SMYD2: variants seen among roughly 807,000 people sequenced by gnomAD.
SMYD2 encodes SET and MYND domain containing 2, also known as N-lysine methyltransferase SMYD2.
SMYD2 carries 53 observed loss-of-function variants against 59.1 expected under a neutral mutation model. The ratio of observed to expected loss-of-function variants is 0.90; its 90% CI spans 0.72 to 1.13. The LOEUF is 1.13. Ranked by LOEUF, SMYD2 falls within the 50% of genes most tolerant of loss-of-function variation. SMYD2 has a pLI of 0.00. For synonymous variants in SMYD2, 208 were observed against 198.8 expected, an observed-to-expected ratio of 1.05 and a Z score of -0.39; for missense variants, 494 against 544.7, an observed-to-expected ratio of 0.91 and a Z score of 0.93.
At chr1:214,322,521 T>A (rs975715611) in intron 5 of SMYD2, among the ~76,000 whole-genome samples, 6 of 152,214 alleles carry the variant, frequency 3.9e-5, no homozygotes, top group African/African-American at 1.4e-4. Context: ...CTGCTTTTTG[T>A]GTTGAATTGT....
rs775036371 is a variant in SMYD2 at position 214,330,236 on chromosome 1, T to A, written c.774T>A (p.Tyr258Ter). The change falls in exon 8 of 12, where the codon TAT (tyrosine) becomes TAA (stop). Residue 258 changes from tyrosine (Y) to a stop codon, truncating the protein, a stop_gained. Coordinates refer to ENST00000366957, the MANE Select transcript of SMYD2 (RefSeq NM_020197.3). LOFTEE classifies it high-confidence loss of function. ...EDRNDRLRDS[Y>*]FFTCECQECT... ...GAAATGACCGGTTAAGAGATTCTTA[T>A]TTCTTTACCTGTGAGTGCCAGGAGT... 1 of 1,613,588 alleles carries A rather than the reference T, an allele frequency of 6.2e-7. No individual in the cohort carries two copies. The highest frequency in any genetic ancestry group is 2.2e-5 in the East Asian group (1 of 44,870).
chr1:214,322,919 G>T (rs1287285619), intron 5 of SMYD2, among the ~76,000 whole-genome samples: 2 of 152,310 alleles, frequency 1.3e-5, no homozygotes, highest in Non-Finnish European at 2.9e-5. Flanking sequence ...CTCAGAGGAT[G>T]CTAGTTTTAC....
intron 6 of SMYD2, among the ~76,000 whole-genome samples, chr1:214,325,297 G>A (rs1657243027): frequency 6.6e-6 from 1 of 152,234 alleles, no homozygotes; most frequent in African/African-American, 2.4e-5. Context: ...TTATAGATCT[G>A]ACTTTAATGG....
intron 10 of SMYD2, chr1:214,333,769 G>A (rs1571936551): frequency 6.2e-6 from 1 of 162,418 alleles, no homozygotes; most frequent in Non-Finnish European, 1.4e-5. Flanking sequence ...ACACATTGGG[G>A]TGGGTGGGGG....
At chr1:214,334,408 G>A (rs1368791423) in intron 11 of SMYD2, 100 bp downstream of exon 11, 4 of 1,117,090 alleles carry the variant, frequency 3.6e-6, no homozygotes, top group African/African-American at 3.1e-5. Flanking sequence ...AGCAGTGGAG[G>A]GTGAGCAGCT....
intron 5 of SMYD2, among the ~76,000 whole-genome samples, chr1:214,319,999 G>C (rs73092321): frequency 2.6e-4 from 40 of 152,074 alleles, no homozygotes; most frequent in Non-Finnish European, 5.4e-4. Flanking sequence ...AGAGATTTAC[G>C]TACAAATTGT....
intron 7 of SMYD2, 22 bp from the exon 8 acceptor site, chr1:214,330,146 T>A (rs2291830): frequency 3.9e-6 from 6 of 1,519,316 alleles, no homozygotes; most frequent in Admixed American, 1.7e-5. Context: ...AGACTGAAGC[T>A]TTATCTTTTT....
intron 1 of SMYD2, among the ~76,000 whole-genome samples, chr1:214,304,581 A>AAAC (rs1656886803): frequency 6.6e-6 from 1 of 151,396 alleles, no homozygotes; most frequent in African/African-American, 2.4e-5. Context: ...AAAAAAAAAA[A>AAAC]AGCATCTATC....
intron 1 of SMYD2, among the ~76,000 whole-genome samples, chr1:214,286,555 G>A (rs958848388): frequency 7.2e-5 from 11 of 152,104 alleles, no homozygotes; most frequent in Middle Eastern, 6.8e-3. Flanking sequence ...TGGATCACTC[G>A]AGGTCAGGAG....
chr1:214,288,031 G>A (rs958441555), intron 1 of SMYD2, among the ~76,000 whole-genome samples: 2 of 152,178 alleles, frequency 1.3e-5, no homozygotes, highest in East Asian at 1.9e-4. Flanking sequence ...CAAGCTGCAC[G>A]TTTGGAACCG....
At chr1:214,310,101 C>A (rs1315030526) in intron 2 of SMYD2, among the ~76,000 whole-genome samples, 1 of 152,186 alleles carries the variant, frequency 6.6e-6, no homozygotes, top group African/African-American at 2.4e-5. Context: ...AATCCAGTCT[C>A]CTTATCGAGG....
intron 1 of SMYD2, among the ~76,000 whole-genome samples, chr1:214,284,107 G>T (rs1353376975): frequency 6.6e-6 from 1 of 152,032 alleles, no homozygotes; most frequent in Non-Finnish European, 1.5e-5. Flanking sequence ...TGCCTGAACT[G>T]CTAGAAGGCA....
intron 7 of SMYD2, 25 bp downstream of exon 7, chr1:214,327,749 G>C: frequency 6.3e-7 from 1 of 1,589,746 alleles, no homozygotes; most frequent in Non-Finnish European, 8.6e-7. Context: ...ATGGGTGGCT[G>C]CAGCAGGGGG....
At chr1:214,322,220 A>T (rs1657183103) in intron 5 of SMYD2, among the ~76,000 whole-genome samples, 1 of 152,196 alleles carries the variant, frequency 6.6e-6, no homozygotes, top group Admixed American at 6.5e-5. Flanking sequence ...GCGTGGTAGT[A>T]CTCAGTCTGA....
chr1:214,291,814 A>G (rs1385458482), intron 1 of SMYD2, among the ~76,000 whole-genome samples: 5 of 152,086 alleles, frequency 3.3e-5, no homozygotes, highest in African/African-American at 1.2e-4. Flanking sequence ...CAACATCCCT[A>G]TGTTGGTTAA....
chr1:214,281,454 G>GA, intron 1 of SMYD2, 27 bp downstream of exon 1: 1 of 1,373,908 alleles, frequency 7.3e-7, no homozygotes, highest in Admixed American at 3.0e-5. Flanking sequence ...GGCGGCGGCG[G>GA]GCGGGAGCCG....
chr1:214,307,034 G>C (rs551171879), intron 2 of SMYD2, among the ~76,000 whole-genome samples: 7 of 152,212 alleles, frequency 4.6e-5, no homozygotes, highest in Non-Finnish European at 1.0e-4. Context: ...TTAGCCAGGC[G>C]TGGTGGCGGG....
rs1270221008 is a variant in SMYD2 at position 214,307,786 on chromosome 1, A to G, written c.237+2536A>G. The stretch of plus-strand genomic sequence containing the variant: ...CGCAGACCCAGAGACCTCATTTGTA[A>G]GCGTGCAATGAGGGGTGTCCTCCCT... On this transcript the variant is annotated intron_variant, in intron 2 of 11. Coordinates refer to ENST00000366957, the MANE Select transcript of SMYD2 (RefSeq NM_020197.3). Among the ~76,000 whole-genome samples, 3 of 152,186 alleles carry G rather than the reference A, an allele frequency of 2.0e-5. No homozygotes were observed. The East Asian group carries it at 5.8e-4, about 29-fold the overall frequency.
At chr1:214,281,731 CT>C (rs762516756) in intron 1 of SMYD2, among the ~76,000 whole-genome samples, 8 of 152,244 alleles carry the variant, frequency 5.3e-5, no homozygotes, top group Non-Finnish European at 1.0e-4. Context: ...CAAATGTGGG[CT>C]CCGAGCCAGG....
Sources: allele counts gnomAD v4.1 joint callset (sites outside exome capture counted in the v4.1 genomes callset), GRCh38; gene constraint gnomAD v4.1.1; transcripts MANE v1.5; gene names NCBI Gene and HGNC (gene_info 2026-07-23, HGNC 2026-07-21).